JPH3: variants seen among roughly 807,000 people sequenced by gnomAD.
The protein encoded by JPH3 is junctophilin-3.
JPH3 carries 11 observed loss-of-function variants against 59.6 expected under a neutral mutation model. The ratio of observed to expected loss-of-function variants is 0.18; its 90% CI spans 0.12 to 0.31. The LOEUF is 0.31. JPH3 is among the 10% of genes least tolerant of loss of function. The pLI, the probability that JPH3 is intolerant of heterozygous loss-of-function variation, is 1.00. For missense variants in JPH3, 1,202 were observed against 1,105.7 expected (o/e 1.09, Z -1.24); for synonymous variants, 673 against 483.6 (o/e 1.39, Z -5.14).
chr16:87,639,693 C>T (rs1209934851), intron 1 of JPH3, among the ~76,000 whole-genome samples: 1 of 151,264 alleles, frequency 6.6e-6, no homozygotes, highest in Non-Finnish European at 1.5e-5. Flanking sequence ...GCCCCTCGCA[C>T]CCTCCGTTCT....
intron 2 of JPH3, among the ~76,000 whole-genome samples, chr16:87,679,978 G>A (rs1298436125): frequency 6.6e-6 from 1 of 152,168 alleles, no homozygotes; most frequent in African/African-American, 2.4e-5. Context: ...CAGCCTGTTG[G>A]GGGGCCTGTG....
At chr16:87,604,513 C>T in intron 1 of JPH3, 1 of 1,296,802 alleles carries the variant, frequency 7.7e-7, no homozygotes, top group Non-Finnish European at 1.0e-6. Flanking sequence ...TCCTCAGAGG[C>T]ACTGGGTCCT....
intron 2 of JPH3, among the ~76,000 whole-genome samples, chr16:87,652,551 C>T (rs1027120937): frequency 2.0e-5 from 3 of 152,250 alleles, no homozygotes; most frequent in African/African-American, 4.8e-5. Flanking sequence ...GCAACCTTCA[C>T]GTCCCGGGCT....
intron 1 of JPH3, among the ~76,000 whole-genome samples, chr16:87,629,178 C>T (rs747261440): frequency 1.3e-5 from 2 of 152,084 alleles, no homozygotes; most frequent in Non-Finnish European, 1.5e-5. Context: ...GCTGCTGTCT[C>T]GGTATTTCAC....
chr16:87,677,482 G>C (rs1177106572), intron 2 of JPH3, among the ~76,000 whole-genome samples: 1 of 152,220 alleles, frequency 6.6e-6, no homozygotes, highest in Non-Finnish European at 1.5e-5. Context: ...GAACAGCTGG[G>C]CTGTGTGCTG....
At chr16:87,664,038 A>G (rs2032783731) in intron 2 of JPH3, among the ~76,000 whole-genome samples, 1 of 152,160 alleles carries the variant, frequency 6.6e-6, no homozygotes, top group Non-Finnish European at 1.5e-5. Context: ...AGGGGTTAAA[A>G]ATCATATGGC....
chr16:87,653,073 G>A (rs1218501999), intron 2 of JPH3, among the ~76,000 whole-genome samples: 4 of 152,058 alleles, frequency 2.6e-5, no homozygotes, highest in Non-Finnish European at 5.9e-5. Flanking sequence ...TGCCTGCGGG[G>A]GGGACTAGAA....
intron 2 of JPH3, among the ~76,000 whole-genome samples, chr16:87,648,456 T>C (rs1025740748): frequency 6.6e-6 from 1 of 152,040 alleles, no homozygotes; most frequent in Admixed American, 6.5e-5. Flanking sequence ...CAGCTGGCAC[T>C]GTCCTCACCC....
chr16:87,608,952 G>A (rs562931083), intron 1 of JPH3, among the ~76,000 whole-genome samples: 10 of 152,228 alleles, frequency 6.6e-5, no homozygotes, highest in Admixed American at 5.2e-4. Context: ...TGAGAGGATC[G>A]CTTGAGCCCC....
At chr16:87,641,723 C>T (rs2031959463) in intron 1 of JPH3, among the ~76,000 whole-genome samples, 1 of 152,264 alleles carries the variant, frequency 6.6e-6, no homozygotes, top group Non-Finnish European at 1.5e-5. Context: ...TGGAGTGAGG[C>T]AGCCTCAGGG....
intron 2 of JPH3, among the ~76,000 whole-genome samples, chr16:87,649,136 G>A (rs1288490477): frequency 1.3e-5 from 2 of 152,148 alleles, no homozygotes; most frequent in African/African-American, 4.8e-5. Flanking sequence ...GCAGAGAGGG[G>A]CGGGAGCCAG....
intron 2 of JPH3, among the ~76,000 whole-genome samples, chr16:87,676,857 G>A (rs1011769370): frequency 7.3e-5 from 11 of 151,618 alleles, no homozygotes; most frequent in Admixed American, 2.0e-4. Flanking sequence ...CCAACATGGC[G>A]AAACCCCGTC....
At chr16:87,630,023 T>C (rs2031513934) in intron 1 of JPH3, among the ~76,000 whole-genome samples, 1 of 152,336 alleles carries the variant, frequency 6.6e-6, no homozygotes, top group South Asian at 2.1e-4. Context: ...CATGAACCCA[T>C]GTGGAGAGTG....
At chr16:87,627,683 T>C (rs1257205050) in intron 1 of JPH3, among the ~76,000 whole-genome samples, 2 of 152,080 alleles carry the variant, frequency 1.3e-5, no homozygotes, top group African/African-American at 4.8e-5. Context: ...CATCTTACAG[T>C]ATGGGGAAGG....
chr16:87,684,052 C>A, intron 2 of JPH3, 90 bp from the exon 3 acceptor site: 1 of 907,404 alleles, frequency 1.1e-6, no homozygotes, highest in Non-Finnish European at 1.8e-6. Context: ...TAGCCCAGCC[C>A]GTTGTTGGGG....
intron 1 of JPH3, among the ~76,000 whole-genome samples, chr16:87,636,563 G>A (rs552609067): frequency 1.3e-5 from 2 of 152,324 alleles, no homozygotes; most frequent in East Asian, 1.9e-4. Context: ...GCCTGTTCCC[G>A]GCGCTTTGGT....
At chr16:87,656,320 C>T (rs555549717) in intron 2 of JPH3, among the ~76,000 whole-genome samples, 1 of 152,346 alleles carries the variant, frequency 6.6e-6, no homozygotes, top group South Asian at 2.1e-4. Context: ...TGGATGCACA[C>T]CTTCCTGAGA....
chr16:87,621,868 T>G (rs760280906), intron 1 of JPH3, among the ~76,000 whole-genome samples: 38 of 152,134 alleles, frequency 2.5e-4, no homozygotes, highest in Non-Finnish European at 5.4e-4. Flanking sequence ...CACTGTCGCC[T>G]GTAGACATGG....
intron 1 of JPH3, chr16:87,604,287 C>CCTCCTG: frequency 2.1e-6 from 3 of 1,432,468 alleles, no homozygotes; most frequent in Non-Finnish European, 2.8e-6. Context: ...CAGGGAGCTG[C>CCTCCTG]CTGCTGCTGC....
Sources: gnomAD v4.1 joint callset for allele counts (sites outside exome capture counted in the v4.1 genomes callset) on GRCh38, gnomAD v4.1.1 for gene constraint, MANE v1.5 for transcripts, NCBI Gene and HGNC (gene_info 2026-07-23, HGNC 2026-07-21) for gene names.